MBTD1: variants seen among roughly 807,000 people sequenced by gnomAD.
MBTD1 encodes MBT domain-containing protein 1.
Under a neutral mutation model 87.8 loss-of-function variants are expected in MBTD1, and 24 were observed. The observed-to-expected ratio is 0.27, with a 90% CI of 0.20 to 0.38. MBTD1 has a LOEUF of 0.38. Ranked by LOEUF, MBTD1 falls within the 10% of genes least tolerant of loss-of-function variation. The pLI is 1.00. For synonymous variants in MBTD1, 237 were observed against 248.6 expected (o/e 0.95, Z 0.44); for missense variants, 436 against 760.2 (o/e 0.57, Z 5.02).
At chr17:51,188,451 T>A (rs1252393309) in intron 16 of MBTD1, among the ~76,000 whole-genome samples, 1 of 152,144 alleles carries the variant, frequency 6.6e-6, no homozygotes, top group Non-Finnish European at 1.5e-5. Flanking sequence ...GATCTTAAGT[T>A]CAAAAAGACC....
At chr17:51,187,563 G>A (rs2050596297) in intron 16 of MBTD1, among the ~76,000 whole-genome samples, 1 of 151,930 alleles carries the variant, frequency 6.6e-6, no homozygotes, top group South Asian at 2.1e-4. Context: ...GAAAGCTGAA[G>A]GATCAGCAGG....
intron 2 of MBTD1, chr17:51,249,655 G>A (rs1394566445): frequency 1.3e-5 from 2 of 152,026 alleles, no homozygotes; most frequent in Admixed American, 6.6e-5. Context: ...TTTATCATTA[G>A]GGTATGCATT....
chr17:51,259,012 G>A, intron 2 of MBTD1, 131 bp downstream of exon 2: 1 of 394,782 alleles, frequency 2.5e-6, no homozygotes, highest in Non-Finnish European at 4.5e-6. Context: ...ACTTAACCAG[G>A]ACATGAATGA....
At chr17:51,236,593 T>C (rs775987731) in intron 2 of MBTD1, among the ~76,000 whole-genome samples, 1 of 152,144 alleles carries the variant, frequency 6.6e-6, no homozygotes, top group African/African-American at 2.4e-5. Flanking sequence ...TTAGTCTTGT[T>C]CATCTTCTGG....
intron 2 of MBTD1, among the ~76,000 whole-genome samples, chr17:51,227,736 G>A (rs759177534): frequency 8.6e-5 from 13 of 152,026 alleles, no homozygotes; most frequent in Non-Finnish European, 5.9e-5. Context: ...GATCACCTGA[G>A]GTCAGGAGTT....
chr17:51,204,598 G>A (rs2051704896), intron 7 of MBTD1, among the ~76,000 whole-genome samples: 1 of 141,288 alleles, frequency 7.1e-6, no homozygotes, highest in South Asian at 2.3e-4. Context: ...TGCCTCCTGG[G>A]TTCAAGTGAT....
At chr17:51,213,968 AAACT>A (rs1555685767) in intron 6 of MBTD1, among the ~76,000 whole-genome samples, 1 of 152,210 alleles carries the variant, frequency 6.6e-6, no homozygotes, top group Non-Finnish European at 1.5e-5. Flanking sequence ...AAGGTCTGAA[AAACT>A]AACCCCTAGA....
At chr17:51,215,889 G>C (rs1304620104) in intron 6 of MBTD1, among the ~76,000 whole-genome samples, 1 of 149,332 alleles carries the variant, frequency 6.7e-6, no homozygotes, top group South Asian at 2.1e-4. Flanking sequence ...CCTAAGCTCA[G>C]CTTTGTTCAT....
chr17:51,252,920 A>G (rs117638438), intron 2 of MBTD1, among the ~76,000 whole-genome samples: 3,092 of 151,964 alleles, frequency 0.02, 49 homozygotes, highest in Non-Finnish European at 0.03. Context: ...CTAAATAAAT[A>G]ATATAAGCCT....
chr17:51,245,572 A>G (rs1232345410), intron 2 of MBTD1, among the ~76,000 whole-genome samples: 1 of 150,946 alleles, frequency 6.6e-6, no homozygotes, highest in Non-Finnish European at 1.5e-5. Context: ...CAGTTCTAAT[A>G]TTTTTTCCAA....
intron 12 of MBTD1, among the ~76,000 whole-genome samples, chr17:51,200,337 G>A (rs2051388659): frequency 6.6e-6 from 1 of 151,976 alleles, no homozygotes; most frequent in African/African-American, 2.4e-5. Context: ...TGAGGCAGCA[G>A]AATTGCTTGA....
Position 51,177,678 on chromosome 17 carries a change from T to C in MBTD1, c.*2898A>G, listed in dbSNP as rs543986347. On this transcript the variant is annotated 3_prime_UTR_variant, in exon 17 of 17. Transcript: ENST00000586178. ...ATAAAAGATTAAATTTGTACAGATA[T>C]TGATCTATATATCAAATACATACAG... The C allele has an allele frequency of 5.9e-5, 9 of 152,184 alleles. No homozygotes were observed. Among genetic ancestry groups the C allele is most frequent in the Non-Finnish European group, 1.2e-4 (8 of 68,030 alleles). 9.4% of individuals were successfully genotyped at this position (152,184 alleles called of 1,614,324 possible). A position where few individuals can be genotyped will look rare whatever the true frequency, so the allele number is the denominator to read the frequency against.
chr17:51,239,284 A>C (rs943708511), intron 2 of MBTD1, among the ~76,000 whole-genome samples: 2 of 152,172 alleles, frequency 1.3e-5, no homozygotes, highest in Admixed American at 6.5e-5. Flanking sequence ...ATAAAACTTA[A>C]TTCATTAAAT....
chr17:51,214,954 G>T (rs2052480429), intron 6 of MBTD1, among the ~76,000 whole-genome samples: 1 of 152,360 alleles, frequency 6.6e-6, no homozygotes, highest in East Asian at 1.9e-4. Flanking sequence ...CAACCAGGAA[G>T]AGTCAACTCT....
chr17:51,240,204 T>A (rs541449765), intron 2 of MBTD1, among the ~76,000 whole-genome samples: 1 of 152,196 alleles, frequency 6.6e-6, no homozygotes, highest in Admixed American at 6.5e-5. Flanking sequence ...AGAGTTCCCA[T>A]ATGGCCCAGT....
intron 2 of MBTD1, among the ~76,000 whole-genome samples, chr17:51,240,262 G>C (rs1182650888): frequency 6.6e-6 from 1 of 152,100 alleles, no homozygotes; most frequent in Non-Finnish European, 1.5e-5. Flanking sequence ...TACAATAAAT[G>C]AAATACTGAT....
intron 16 of MBTD1, 105 bp from the exon 17 acceptor site, chr17:51,180,799 C>T (rs1288596413): frequency 1.2e-5 from 8 of 677,740 alleles, no homozygotes; most frequent in South Asian, 8.3e-5. Context: ...AAGACTTCTT[C>T]ATTTCTTCAG....
In MBTD1 at chr17:51,259,885, C is replaced by A. The variant is rs1024842369; in HGVS notation, c.-163G>T. On this transcript the variant is annotated 5_prime_UTR_variant, in exon 1 of 17. Transcript: ENST00000586178. Reference sequence around the variant, plus strand: ...GCCTCATGGGTAGGGGTTGTCCGTGCTCCCCGAGCCCGCGGCGCCCCCTCC... The same window carrying A: ...GCCTCATGGGTAGGGGTTGTCCGTGATCCCCGAGCCCGCGGCGCCCCCTCC... 25 of 1,231,764 alleles carry A rather than the reference C, an allele frequency of 2.0e-5. No homozygotes were observed. Among genetic ancestry groups the A allele is most frequent in the Admixed American group, 8.4e-5 (2 of 23,700 alleles). The allele number at this position is 1,231,764 out of a possible 1,614,324, so 76.3% of individuals were successfully genotyped here. A position where few individuals can be genotyped will look rare whatever the true frequency, so the allele number is the denominator to read the frequency against.
At chr17:51,259,688 G>C in intron 1 of MBTD1, 147 bp downstream of exon 1, 1 of 684,728 alleles carries the variant, frequency 1.5e-6, no homozygotes, top group East Asian at 3.4e-5. Context: ...GCTGGAAGGG[G>C]GAGGGGGGCT....
Sources: allele counts gnomAD v4.1 joint callset (sites outside exome capture counted in the v4.1 genomes callset), GRCh38; gene constraint gnomAD v4.1.1; transcripts MANE v1.5; gene names NCBI Gene and HGNC (gene_info 2026-07-23, HGNC 2026-07-21).